NKD1: variants seen among roughly 807,000 people sequenced by gnomAD.
The protein encoded by NKD1 is NKD inhibitor of Wnt signaling pathway 1.
A neutral mutation model predicts 56.0 loss-of-function variants in NKD1; 21 were observed. The observed-to-expected ratio is 0.38, with a 90% CI of 0.27 to 0.54. The LOEUF (loss-of-function observed/expected upper bound fraction) is 0.54. Among genes scored for constraint, NKD1 ranks in the 20% least tolerant of loss-of-function variants. The pLI is 0.82. For synonymous variants in NKD1, 263 were observed against 265.7 expected, an observed-to-expected ratio of 0.99 and a Z score of 0.10; for missense variants, 578 against 642.7, an observed-to-expected ratio of 0.90 and a Z score of 1.09.
intron 4 of NKD1, among the ~76,000 whole-genome samples, chr16:50,610,341 C>G (rs1303321534): frequency 1.3e-5 from 2 of 152,204 alleles, no homozygotes; most frequent in Non-Finnish European, 2.9e-5. Context: ...CCGTGTGGCC[C>G]TTAAGACCCC....
intron 4 of NKD1, among the ~76,000 whole-genome samples, chr16:50,617,204 G>A (rs1349797866): frequency 6.6e-6 from 1 of 152,130 alleles, no homozygotes; most frequent in African/African-American, 2.4e-5. Flanking sequence ...TGGGGAGGCG[G>A]GAGGGGTGTC....
intron 3 of NKD1, among the ~76,000 whole-genome samples, chr16:50,567,095 G>T (rs544202928): frequency 5.9e-5 from 9 of 151,782 alleles, no homozygotes; most frequent in African/African-American, 1.9e-4. Context: ...ATAGAGCTTA[G>T]GACCAGGCTT....
At position 50,644,699 on chromosome 16, in the gene NKD1, A is replaced by G. The variant is rs1426007159; in HGVS notation, c.*10918A>G. ...ATCCTCTCCAGATGGGCCCCTGGCC[A>G]TCTTAGCCAACATCACCTGATTCTG... On this transcript the variant is annotated 3_prime_UTR_variant, in exon 10 of 10. Coordinates refer to ENST00000268459, the MANE Select transcript of NKD1 (RefSeq NM_033119.5). The G allele has an allele frequency of 1.3e-5, 2 of 152,222 alleles. No homozygotes were observed. Among genetic ancestry groups the G allele is most frequent in the Non-Finnish European group, 2.9e-5 (2 of 68,044 alleles). 9.4% of individuals were successfully genotyped at this position (152,222 alleles called of 1,614,324 possible).
chr16:50,634,108 T>A lies in NKD1; in HGVS notation c.*327T>A. The stretch of plus-strand genomic sequence containing the variant: ...CACCCTTCCCAGAGCCAGGGAGCCC[T>A]TAGCCTCAACTCTGCCCCACCCCAG... On this transcript the variant is annotated 3_prime_UTR_variant, in exon 10 of 10. Coordinates refer to ENST00000268459, the MANE Select transcript of NKD1 (RefSeq NM_033119.5). 9.2e-6 allele frequency: 2 copies of A among 218,264 alleles called. No homozygotes were observed. Among genetic ancestry groups the A allele is most frequent in the Non-Finnish European group, 1.8e-5 (2 of 111,976 alleles). 13.5% of individuals were successfully genotyped at this position (218,264 alleles called of 1,614,324 possible). A position where few individuals can be genotyped will look rare whatever the true frequency, so the allele number is the denominator to read the frequency against.
intron 4 of NKD1, 134 bp downstream of exon 4, chr16:50,608,494 G>T: frequency 2.8e-6 from 2 of 710,272 alleles, no homozygotes; most frequent in Non-Finnish European, 5.2e-6. Flanking sequence ...CTCTGGGTGG[G>T]GGTGGACTAG....
At chr16:50,614,951 T>G (rs1961927684) in intron 4 of NKD1, among the ~76,000 whole-genome samples, 1 of 152,194 alleles carries the variant, frequency 6.6e-6, no homozygotes, top group African/African-American at 2.4e-5. Flanking sequence ...TAAACTCTTC[T>G]TTCATACTGA....
At chr16:50,575,413 C>G (rs1319750907) in intron 3 of NKD1, 1 of 895,538 alleles carries the variant, frequency 1.1e-6, no homozygotes, top group Non-Finnish European at 1.3e-6. Context: ...GGAGAAAGAA[C>G]AAATGGGGTT....
At chr16:50,573,389 C>G (rs1960925940) in intron 3 of NKD1, among the ~76,000 whole-genome samples, 2 of 152,228 alleles carry the variant, frequency 1.3e-5, no homozygotes. Flanking sequence ...TTCCTTCTCC[C>G]CCCATCAGGT....
chr16:50,574,627 A>T, intron 3 of NKD1: 3 of 985,256 alleles, frequency 3.0e-6, no homozygotes, highest in Non-Finnish European at 3.6e-6. Context: ...GGGCAGGAGG[A>T]GCTGTGCCTG....
chr16:50,569,337 G>C (rs1170343397), intron 3 of NKD1, among the ~76,000 whole-genome samples: 1 of 152,114 alleles, frequency 6.6e-6, no homozygotes, highest in Non-Finnish European at 1.5e-5. Flanking sequence ...CATGAGAAAT[G>C]CACTTATTGC....
At chr16:50,608,143 A>G (rs2151275345) in intron 3 of NKD1, 151 bp from the exon 4 acceptor site, 1 of 691,106 alleles carries the variant, frequency 1.4e-6, no homozygotes, top group South Asian at 1.6e-5. Flanking sequence ...CCACCTTGGC[A>G]CTTAACTTTT....
chr16:50,621,372 G>T (rs1343136047), intron 4 of NKD1, among the ~76,000 whole-genome samples: 1 of 152,216 alleles, frequency 6.6e-6, no homozygotes, highest in Non-Finnish European at 1.5e-5. Flanking sequence ...GGGGCCTGAG[G>T]GGGCCCCCCA....
intron 3 of NKD1, chr16:50,557,029 C>T (rs1474040440): frequency 3.9e-5 from 6 of 152,172 alleles, no homozygotes; most frequent in South Asian, 2.1e-4. Context: ...TCTTCAGCCT[C>T]CTCCCACCCT....
At chr16:50,602,163 A>T (rs983432807) in intron 3 of NKD1, among the ~76,000 whole-genome samples, 1 of 152,084 alleles carries the variant, frequency 6.6e-6, no homozygotes, top group Non-Finnish European at 1.5e-5. Context: ...AATGAGAGGG[A>T]GGCTGTGTGG....
Position 50,633,701 on chromosome 16 carries a change from G to A in NKD1, c.1333G>A (p.Ala445Thr), listed in dbSNP as rs895561181. The A allele has an allele frequency of 6.9e-6, 11 of 1,589,098 alleles. No individual in the cohort carries two copies. In the African/African-American group the frequency reaches 1.2e-4, roughly 17 times the overall value. ...LPALVVYESQAGQPVQRHEHH... is the reference protein window; with the variant it reads ...LPALVVYESQTGQPVQRHEHH... ...CGCCTTGGTGGTGTATGAGAGCCAG[G>A]CCGGGCAGCCGGTCCAGAGACATGA... Residue 445 changes from alanine to threonine, a missense_variant, in exon 10 of 10, where the codon GCC (alanine) becomes ACC (threonine). Ala to Thr is a moderately conservative substitution (Grantham distance 58). Coordinates refer to ENST00000268459, the MANE Select transcript of NKD1 (RefSeq NM_033119.5). The surrounding 1 kb of genome is among the most constrained non-coding windows in gnomAD (Gnocchi z 4.9).
chr16:50,587,869 A>T (rs1349715023), intron 3 of NKD1, among the ~76,000 whole-genome samples: 2 of 152,224 alleles, frequency 1.3e-5, no homozygotes, highest in African/African-American at 2.4e-5. Context: ...TGTGCATACA[A>T]GGGATCCAGG....
rs373887006 is a variant in NKD1 at position 50,646,408 on chromosome 16, C to T, written c.*12627C>T. 6.6e-5 allele frequency: 10 copies of T among 151,920 alleles called. No individual in the cohort carries two copies. The highest frequency in any genetic ancestry group is 2.2e-4 in the African/African-American group (9 of 41,368). 9.4% of individuals were successfully genotyped at this position (151,920 alleles called of 1,614,324 possible). A position where few individuals can be genotyped will look rare whatever the true frequency, so the allele number is the denominator to read the frequency against. ...AGAGAACGAAGGCTAACTGATGCCA[C>T]AGTCTTTTATGTACATGGCAAAAAC... On this transcript the variant is annotated 3_prime_UTR_variant, in exon 10 of 10. Coordinates refer to ENST00000268459, the MANE Select transcript of NKD1 (RefSeq NM_033119.5).
rs1015908863 is a variant in NKD1, at chr16:50,570,925, G to C, written c.192+21370G>C. 6 of 985,312 alleles carry C rather than the reference G, an allele frequency of 6.1e-6. No individual in the cohort carries two copies. The African/African-American group carries it at 1.0e-4, about 17-fold the overall frequency. The allele number at this position is 985,312 out of a possible 1,614,324, so 61.0% of individuals were successfully genotyped here. Reference sequence around the variant, plus strand: ...TGTAGCCCCCACCCCAGCCATAGCAGCCCTGTGCCAGGCACAGGGAGGCTT... The same window carrying C: ...TGTAGCCCCCACCCCAGCCATAGCACCCCTGTGCCAGGCACAGGGAGGCTT... On this transcript the variant is annotated intron_variant, in intron 3 of 9. Transcript: ENST00000268459.
At chr16:50,605,216 A>G (rs1281519949) in intron 3 of NKD1, among the ~76,000 whole-genome samples, 1 of 152,230 alleles carries the variant, frequency 6.6e-6, no homozygotes, top group African/African-American at 2.4e-5. Flanking sequence ...TCTCCCGTGA[A>G]GATCCCATTG....
Sources: allele counts gnomAD v4.1 joint callset (sites outside exome capture counted in the v4.1 genomes callset), GRCh38; gene constraint gnomAD v4.1.1; non-coding constraint Gnocchi (gnomAD v3.1); transcripts MANE v1.5; gene names NCBI Gene and HGNC (gene_info 2026-07-23, HGNC 2026-07-21).